HCRTR2: variants seen among roughly 807,000 people sequenced by gnomAD.
The protein encoded by HCRTR2 is orexin receptor type 2.
In HCRTR2, 22 loss-of-function variants were observed where a neutral mutation model predicts 49.0. That is an observed-to-expected ratio of 0.45 (90% CI 0.32 to 0.64). The LOEUF (loss-of-function observed/expected upper bound fraction) is 0.64. Among genes scored for constraint, HCRTR2 ranks in the 30% least tolerant of loss-of-function variants. HCRTR2 has a pLI of 0.04. For synonymous variants in HCRTR2, 236 were observed against 205.3 expected (o/e 1.15, Z -1.28); for missense variants, 491 against 559.4 (o/e 0.88, Z 1.23).
At chr6:55,175,949 T>C (rs986704934) in intron 1 of HCRTR2, among the ~76,000 whole-genome samples, 1 of 151,774 alleles carries the variant, frequency 6.6e-6, no homozygotes, top group Admixed American at 6.6e-5. Context: ...AGGCTAGGAG[T>C]TGCTCTTGAT....
At chr6:55,229,709 A>G (rs1255391116) in intron 1 of HCRTR2, among the ~76,000 whole-genome samples, 2 of 152,154 alleles carry the variant, frequency 1.3e-5, no homozygotes, top group Non-Finnish European at 2.9e-5. Flanking sequence ...CAGAGACTAG[A>G]ATGGTAGTTG....
At chr6:55,158,846 G>A (rs752236117) in intron 1 of HCRTR2, among the ~76,000 whole-genome samples, 1 of 152,208 alleles carries the variant, frequency 6.6e-6, no homozygotes, top group Non-Finnish European at 1.5e-5. Context: ...CTGGGACAGG[G>A]CACCTGGGGA....
At chr6:55,149,925 C>G (rs769171532) in intron 1 of HCRTR2, among the ~76,000 whole-genome samples, 1 of 151,914 alleles carries the variant, frequency 6.6e-6, no homozygotes, top group Non-Finnish European at 1.5e-5. Flanking sequence ...AAACTTTAAA[C>G]TTTTAAATTC....
chr6:55,123,467 G>A (rs547193222), intron 1 of HCRTR2, among the ~76,000 whole-genome samples: 95 of 152,202 alleles, frequency 6.2e-4, no homozygotes, highest in African/African-American at 2.2e-3. Flanking sequence ...TGCATTCCAG[G>A]TATGAAGCCA....
intron 1 of HCRTR2, among the ~76,000 whole-genome samples, chr6:55,117,087 A>G (rs1326823153): frequency 1.3e-5 from 2 of 151,880 alleles, no homozygotes; most frequent in African/African-American, 4.8e-5. Flanking sequence ...GAGAAAAGCT[A>G]AGTCATGATA....
At chr6:55,261,185 G>A (rs1378894464) in intron 3 of HCRTR2, among the ~76,000 whole-genome samples, 3 of 151,916 alleles carry the variant, frequency 2.0e-5, no homozygotes, top group Non-Finnish European at 2.9e-5. Flanking sequence ...TGATATATTC[G>A]AATACAAGTA....
rs1764867205 is a variant in HCRTR2 at position 55,165,744 on chromosome 6, A to ATATATATATAT, written c.-377-8467_-377-8466insTATATATATAT. On this transcript the variant is annotated intron_variant, in intron 1 of 7. Coordinates refer to the HCRTR2 transcript ENST00000615358. ...TATTTGTTAAGGGATTAGTATACAG[A>ATATATATATAT]ATATATATATATATATATATATATA... is the stretch of plus-strand genomic sequence containing the variant. Among the ~76,000 whole-genome samples the ATATATATATAT allele has an allele frequency of 8.6e-4, 111 of 128,470 alleles. 5 individuals carry two copies. The highest frequency in any genetic ancestry group is 4.0e-3 in the Middle Eastern group (1 of 250). 84.3% of individuals were successfully genotyped at this position (128,470 alleles called of 152,430 possible).
chr6:55,273,372 T>C (rs1445682918), intron 4 of HCRTR2, among the ~76,000 whole-genome samples: 2 of 152,118 alleles, frequency 1.3e-5, no homozygotes, highest in Non-Finnish European at 2.9e-5. Flanking sequence ...ACAAGTTTCT[T>C]AGCACTTAGC....
At chr6:55,116,715 G>GAGAGAGAAA (rs55778468) in intron 1 of HCRTR2, among the ~76,000 whole-genome samples, 1 of 88,520 alleles carries the variant, frequency 1.1e-5, no homozygotes, top group African/African-American at 3.9e-5. Flanking sequence ...AAGAGAGAGA[G>GAGAGAGAAA]AAAAAAAAAA....
intron 1 of HCRTR2, among the ~76,000 whole-genome samples, chr6:55,241,530 T>C: frequency 6.6e-6 from 1 of 152,138 alleles, no homozygotes. Context: ...ATATGTAAAT[T>C]AAACAACCAA....
chr6:55,238,612 A>G (rs933419000), intron 1 of HCRTR2, among the ~76,000 whole-genome samples: 1 of 152,168 alleles, frequency 6.6e-6, no homozygotes, highest in Non-Finnish European at 1.5e-5. Flanking sequence ...TTTGAGTTTA[A>G]TTGAAAGATA....
chr6:55,188,487 A>G (rs576870474), intron 1 of HCRTR2, among the ~76,000 whole-genome samples: 1 of 152,360 alleles, frequency 6.6e-6, no homozygotes, highest in African/African-American at 2.4e-5. Context: ...TGGAGGCAAA[A>G]GCATCATAGA....
chr6:55,145,064 A>C (rs1036931157), intron 1 of HCRTR2, among the ~76,000 whole-genome samples: 1 of 152,074 alleles, frequency 6.6e-6, no homozygotes, highest in South Asian at 2.1e-4. Context: ...CGCCCTTCCC[A>C]GTCATATTCT....
intron 1 of HCRTR2, among the ~76,000 whole-genome samples, chr6:55,201,820 C>A (rs895438065): frequency 1.3e-5 from 2 of 152,070 alleles, no homozygotes; most frequent in African/African-American, 4.8e-5. Context: ...CATCCACAAA[C>A]TCAGATTTTA....
chr6:55,218,473 G>C (rs982930411), intron 1 of HCRTR2, among the ~76,000 whole-genome samples: 1 of 152,122 alleles, frequency 6.6e-6, no homozygotes, highest in African/African-American at 2.4e-5. Flanking sequence ...TAGCTGACTG[G>C]ATTTAAAAAA....
chr6:55,209,401 G>C (rs1196816898), intron 1 of HCRTR2, among the ~76,000 whole-genome samples: 1 of 152,104 alleles, frequency 6.6e-6, no homozygotes, highest in Non-Finnish European at 1.5e-5. Context: ...ACAATATTTG[G>C]TTTCTATAGG....
chr6:55,139,815 T>G (rs1438669487), intron 1 of HCRTR2, among the ~76,000 whole-genome samples: 1 of 152,332 alleles, frequency 6.6e-6, no homozygotes, highest in Admixed American at 6.5e-5. Context: ...ACTTGAAATC[T>G]TGCTAACTAG....
intron 1 of HCRTR2, among the ~76,000 whole-genome samples, chr6:55,135,142 C>T (rs1325888624): frequency 6.6e-6 from 1 of 151,972 alleles, no homozygotes; most frequent in East Asian, 1.9e-4. Context: ...GGTAAAGACT[C>T]TACTGTAAAA....
intron 1 of HCRTR2, among the ~76,000 whole-genome samples, chr6:55,151,248 C>A (rs1364427032): frequency 6.6e-6 from 1 of 151,932 alleles, no homozygotes; most frequent in Non-Finnish European, 1.5e-5. Context: ...AAAAATTTCT[C>A]TGTGTTATGC....
Sources: allele counts gnomAD v4.1 joint callset (sites outside exome capture counted in the v4.1 genomes callset), GRCh38; gene constraint gnomAD v4.1.1; transcripts MANE v1.5; gene names NCBI Gene and HGNC (gene_info 2026-07-23, HGNC 2026-07-21).